FAM227A: variants seen among roughly 807,000 people sequenced by gnomAD.
The protein encoded by FAM227A is family with sequence similarity 227 member A, also known as protein FAM227A.
A neutral mutation model predicts 74.7 loss-of-function variants in FAM227A; 80 were observed. That is an observed-to-expected ratio of 1.07 (90% CI 0.89 to 1.29). The LOEUF is 1.29. FAM227A is among the 50% of genes most tolerant of loss of function. The probability of loss-of-function intolerance (pLI) is 0.00; values close to 1 mark genes in which losing one functional copy is unlikely to be tolerated. For synonymous variants in FAM227A, 237 were observed against 241.8 expected (o/e 0.98, Z 0.19); for missense variants, 654 against 683.4 (o/e 0.96, Z 0.48).
At chr22:38,640,234 C>A (rs971664179) in intron 3 of FAM227A, among the ~76,000 whole-genome samples, 2 of 152,064 alleles carry the variant, frequency 1.3e-5, no homozygotes, top group Non-Finnish European at 2.9e-5. Context: ...GGGGTTTCAC[C>A]GTGTTAGCCA....
chr22:38,632,646 CAG>C (rs2091936481), intron 6 of FAM227A, among the ~76,000 whole-genome samples: 1 of 152,072 alleles, frequency 6.6e-6, no homozygotes, highest in African/African-American at 2.4e-5. Flanking sequence ...AGAGAGACGA[CAG>C]AGAGTAGAAG....
intron 14 of FAM227A, among the ~76,000 whole-genome samples, chr22:38,597,786 G>A (rs2091079800): frequency 1.3e-5 from 2 of 152,156 alleles, no homozygotes; most frequent in Admixed American, 1.3e-4. Flanking sequence ...CAGGCGCGGT[G>A]TAATCCCAGC....
chr22:38,597,111 C>T (rs1423815266), intron 15 of FAM227A, 93 bp downstream of exon 15: 24 of 1,254,272 alleles, frequency 1.9e-5, no homozygotes, highest in Non-Finnish European at 2.6e-5. Context: ...CAGGAAACCC[C>T]CCTGCCCCAC....
At chr22:38,619,744 G>A (rs2091647372) in intron 11 of FAM227A, among the ~76,000 whole-genome samples, 2 of 152,210 alleles carry the variant, frequency 1.3e-5, no homozygotes, top group African/African-American at 4.8e-5. Context: ...AGGGAGACCA[G>A]TTAGGTGCCT....
chr22:38,617,516 C>T (rs1172712068), intron 11 of FAM227A, among the ~76,000 whole-genome samples: 2 of 152,076 alleles, frequency 1.3e-5, no homozygotes, highest in African/African-American at 4.8e-5. Flanking sequence ...AAGATGGTCT[C>T]GATCTCCTGA....
intron 14 of FAM227A, 27 bp from the exon 15 acceptor site, chr22:38,597,383 C>A (rs747731871): frequency 6.4e-7 from 1 of 1,550,640 alleles, no homozygotes; most frequent in Non-Finnish European, 8.7e-7. Flanking sequence ...AGGAAATCCC[C>A]GTACTGTGGA....
intron 9 of FAM227A, among the ~76,000 whole-genome samples, chr22:38,624,389 CAAA>C (rs796578074): frequency 7.3e-6 from 1 of 136,994 alleles, no homozygotes; most frequent in Non-Finnish European, 1.6e-5. Flanking sequence ...AACTCCATCT[CAAA>C]AAAAAAAAAA....
chr22:38,644,528 GA>G (rs1421508013), intron 3 of FAM227A, among the ~76,000 whole-genome samples: 1 of 151,948 alleles, frequency 6.6e-6, no homozygotes, highest in East Asian at 1.9e-4. Context: ...TTGGGACAGC[GA>G]AACTATGCTG....
At chr22:38,624,864 T>C (rs1488236449) in intron 9 of FAM227A, among the ~76,000 whole-genome samples, 1 of 152,110 alleles carries the variant, frequency 6.6e-6, no homozygotes, top group Non-Finnish European at 1.5e-5. Context: ...CCTTACTACA[T>C]TACTGTAATA....
At chr22:38,620,382 G>A (rs752638150) in intron 10 of FAM227A, 91 bp from the exon 11 acceptor site, 1 of 979,910 alleles carries the variant, frequency 1.0e-6, no homozygotes, top group Non-Finnish European at 1.6e-6. Flanking sequence ...CCTTTCTGGA[G>A]ACAGTGACAC....
At chr22:38,646,441 T>G (rs2092241675) in intron 2 of FAM227A, among the ~76,000 whole-genome samples, 1 of 148,970 alleles carries the variant, frequency 6.7e-6, no homozygotes, top group Non-Finnish European at 1.5e-5. Context: ...TTTTTGTATT[T>G]TTAGTAGAGA....
intron 3 of FAM227A, among the ~76,000 whole-genome samples, chr22:38,642,017 T>C (rs939730240): frequency 6.6e-6 from 1 of 152,056 alleles, no homozygotes; most frequent in Admixed American, 6.6e-5. Context: ...TATTGAAGGG[T>C]TTGTATTTTT....
intron 11 of FAM227A, among the ~76,000 whole-genome samples, chr22:38,615,318 C>A (rs2091552995): frequency 6.6e-6 from 1 of 152,164 alleles, no homozygotes; most frequent in Non-Finnish European, 1.5e-5. Flanking sequence ...GCCATCGCGC[C>A]CGGACAGAGT....
At chr22:38,613,326 CATATATA>C (rs1398784634) in intron 11 of FAM227A, among the ~76,000 whole-genome samples, 3 of 52,316 alleles carry the variant, frequency 5.7e-5, no homozygotes, top group African/African-American at 8.3e-5. Context: ...TAATATATAT[CATATATA>C]ATATATAACA....
At chr22:38,632,871 G>T (rs1203868404) in intron 6 of FAM227A, among the ~76,000 whole-genome samples, 1 of 152,200 alleles carries the variant, frequency 6.6e-6, no homozygotes. Context: ...ATTGACTCGG[G>T]ACACTTTCAG....
At chr22:38,634,038 G>A (rs2091958509) in intron 6 of FAM227A, among the ~76,000 whole-genome samples, 1 of 151,668 alleles carries the variant, frequency 6.6e-6, no homozygotes, top group African/African-American at 2.4e-5. Context: ...GGCAAACATG[G>A]GGAAACCCTG....
intron 1 of FAM227A, among the ~76,000 whole-genome samples, chr22:38,652,780 G>C (rs533335011): frequency 1.0e-3 from 150 of 150,558 alleles, no homozygotes; most frequent in Non-Finnish European, 2.0e-3. Flanking sequence ...GGGAGGCTGA[G>C]GCAGGAGAAT....
chr22:38,640,926 T>G (rs1003955674), intron 3 of FAM227A, among the ~76,000 whole-genome samples: 1 of 151,682 alleles, frequency 6.6e-6, no homozygotes, highest in Non-Finnish European at 1.5e-5. Flanking sequence ...GTGCCAGTGG[T>G]GGGGGGGCGG....
intron 11 of FAM227A, among the ~76,000 whole-genome samples, chr22:38,607,787 T>C (rs1010999790): frequency 2.6e-5 from 4 of 152,144 alleles, no homozygotes; most frequent in Admixed American, 6.5e-5. Context: ...GGTTTCCTTG[T>C]AGGATTAAGT....
Sources: allele counts gnomAD v4.1 joint callset (sites outside exome capture counted in the v4.1 genomes callset), GRCh38; gene constraint gnomAD v4.1.1; transcripts MANE v1.5; gene names NCBI Gene and HGNC (gene_info 2026-07-23, HGNC 2026-07-21).